SNX29: variants seen among roughly 807,000 people sequenced by gnomAD.
SNX29 encodes sorting nexin-29.
SNX29 carries 78 observed loss-of-function variants against 102.1 expected under a neutral mutation model. That is an observed-to-expected ratio of 0.76 (90% confidence interval 0.64 to 0.92). The LOEUF (loss-of-function observed/expected upper bound fraction) is 0.92, where lower values mean the gene tolerates loss of function less well. Ranked by LOEUF, SNX29 falls within the 40% of genes least tolerant of loss-of-function variation. SNX29 has a pLI of 0.00. For synonymous variants in SNX29, 580 were observed against 414.5 expected (o/e 1.40, Z -4.85); for missense variants, 1,280 against 1,061.7 (o/e 1.21, Z -2.86).
intron 18 of SNX29, among the ~76,000 whole-genome samples, chr16:12,444,062 G>T (rs1033677713): frequency 1.4e-5 from 2 of 147,816 alleles, no homozygotes; most frequent in African/African-American, 5.3e-5. Context: ...TAAGCACTCA[G>T]TATAAGACCT....
intron 17 of SNX29, among the ~76,000 whole-genome samples, chr16:12,399,307 C>T (rs1398534285): frequency 6.6e-6 from 1 of 152,220 alleles, no homozygotes; most frequent in African/African-American, 2.4e-5. Flanking sequence ...CCACCTCGGC[C>T]TCCCAAAGTG....
chr16:12,311,930 T>TA (rs1484653409), intron 15 of SNX29, among the ~76,000 whole-genome samples: 2 of 152,178 alleles, frequency 1.3e-5, no homozygotes, highest in Non-Finnish European at 2.9e-5. Context: ...GTGGGGTGGG[T>TA]AGGCAGCTCT....
rs372532518 is a variant in SNX29 at position 12,477,681 on chromosome 16, G to C, written c.2038-38G>C. 7.1e-5 allele frequency: 114 copies of C among 1,599,158 alleles called. No individual in the cohort carries two copies. In the African/African-American group the frequency reaches 1.3e-3, roughly 18 times the overall value. On this transcript the variant is annotated intron_variant, in intron 18 of 20. Coordinates refer to ENST00000566228, the MANE Select transcript of SNX29 (RefSeq NM_032167.5). ...CCGAAATCCTACTCCTTTATAATAA[G>C]GGTTTAAGAGGAATTCACATTTTCT...
chr16:12,299,414 T>C (rs76241936), intron 15 of SNX29, among the ~76,000 whole-genome samples: 1 of 152,174 alleles, frequency 6.6e-6, no homozygotes, highest in Non-Finnish European at 1.5e-5. Flanking sequence ...ATGGACGGTG[T>C]TTAGTTTGAT....
intron 15 of SNX29, among the ~76,000 whole-genome samples, chr16:12,308,747 A>C (rs1305598352): frequency 6.6e-6 from 1 of 152,228 alleles, no homozygotes; most frequent in Non-Finnish European, 1.5e-5. Context: ...ACACGAGTCC[A>C]TCAGTTTCTC....
rs376652645 is a variant in SNX29, at chr16:12,002,201, A to G, written c.70-790A>G. 3.1e-4 allele frequency among the ~76,000 whole-genome samples: 47 copies of G among 152,174 alleles called. 2 individuals carry two copies. The South Asian group carries it at 9.6e-3, about 31-fold the overall frequency. On this transcript the variant is annotated intron_variant, in intron 2 of 20. Coordinates refer to ENST00000566228, the MANE Select transcript of SNX29 (RefSeq NM_032167.5). ...ATTGGCTCACGCCTGTAATCCCAGC[A>G]CTTTGGGAGGCCAAGGCGGTCGGAT...
chr16:12,565,095 C>A (rs756708122), intron 20 of SNX29, among the ~76,000 whole-genome samples: 13 of 152,074 alleles, frequency 8.5e-5, no homozygotes, highest in African/African-American at 2.9e-4. Context: ...GGGTCGTCTT[C>A]TCTTCTGAGT....
At chr16:12,278,960 A>T (rs144118403) in intron 15 of SNX29, among the ~76,000 whole-genome samples, 2 of 152,268 alleles carry the variant, frequency 1.3e-5, no homozygotes, top group East Asian at 3.9e-4. Context: ...ATACCTGATT[A>T]AAAAAAGGGT....
intron 20 of SNX29, among the ~76,000 whole-genome samples, chr16:12,554,837 C>G (rs1196138233): frequency 6.6e-6 from 1 of 152,154 alleles, no homozygotes; most frequent in Non-Finnish European, 1.5e-5. Context: ...GCCATTCTTT[C>G]CGTAGGTGCC....
intron 13 of SNX29, among the ~76,000 whole-genome samples, chr16:12,193,259 C>A (rs994705573): frequency 6.6e-6 from 1 of 152,058 alleles, no homozygotes; most frequent in African/African-American, 2.4e-5. Flanking sequence ...AATTCCATTA[C>A]AAGAGTTTGA....
chr16:12,044,639 C>T (rs528148004), intron 5 of SNX29, among the ~76,000 whole-genome samples: 86 of 152,206 alleles, frequency 5.7e-4, no homozygotes, highest in Middle Eastern at 3.4e-3. Flanking sequence ...AGTGTAGTGG[C>T]GCGACCTTGG....
At chr16:12,157,197 C>A (rs987071688) in intron 13 of SNX29, among the ~76,000 whole-genome samples, 3 of 152,138 alleles carry the variant, frequency 2.0e-5, no homozygotes, top group African/African-American at 7.2e-5. Context: ...CAACATCCAC[C>A]CCCCATAGGC....
In SNX29 at chr16:12,000,186, G is replaced by C. The variant is rs1008946960; in HGVS notation, c.69+828G>C. ...GGAAGTAAGCTTGGATGTGAGACTG[G>C]AATCTGCTTGCCGCATGTACCAGAT... On this transcript the variant is annotated intron_variant, in intron 2 of 20. Coordinates refer to ENST00000566228, the MANE Select transcript of SNX29 (RefSeq NM_032167.5). The C allele has an allele frequency of 2.0e-5, 3 of 153,342 alleles. No individual in the cohort carries two copies. In the East Asian group the frequency reaches 5.8e-4, roughly 30 times the overall value. The allele number at this position is 153,342 out of a possible 1,614,324, so 9.5% of individuals were successfully genotyped here.
At chr16:12,398,296 C>G (rs8055044) in intron 16 of SNX29, 150 bp from the exon 17 acceptor site, 132,957 of 796,162 alleles carry the variant, frequency 0.17, 12,707 homozygotes, top group African/African-American at 0.27. Flanking sequence ...TCCACACAAT[C>G]TCTTACCGTT....
intron 11 of SNX29, among the ~76,000 whole-genome samples, chr16:12,106,612 T>C (rs957212985): frequency 6.6e-6 from 1 of 151,392 alleles, no homozygotes; most frequent in Non-Finnish European, 1.5e-5. Context: ...TAGCTGGGAC[T>C]ACAGGCACGT....
intron 18 of SNX29, among the ~76,000 whole-genome samples, chr16:12,411,682 G>A (rs762355874): frequency 9.2e-5 from 14 of 152,172 alleles, no homozygotes; most frequent in Admixed American, 3.9e-4. Flanking sequence ...TGAGCTGACC[G>A]TCACCAGTCT....
chr16:12,184,816 C>T (rs2076473426), intron 13 of SNX29, among the ~76,000 whole-genome samples: 1 of 152,232 alleles, frequency 6.6e-6, no homozygotes, highest in African/African-American at 2.4e-5. Context: ...CGTAGACTAG[C>T]AGCAGTGACA....
chr16:12,107,755 A>C (rs1362481973), intron 11 of SNX29, among the ~76,000 whole-genome samples: 2 of 152,178 alleles, frequency 1.3e-5, no homozygotes, highest in Non-Finnish European at 2.9e-5. Context: ...CTGTCCAGGC[A>C]TCTGCTTGTT....
At chr16:12,560,977 T>G (rs1468835349) in intron 20 of SNX29, 2 of 211,890 alleles carry the variant, frequency 9.4e-6, no homozygotes, top group Non-Finnish European at 1.9e-5. Flanking sequence ...CAAGGAACCC[T>G]TGGGTACTGC....
Sources: gnomAD v4.1 joint callset for allele counts (sites outside exome capture counted in the v4.1 genomes callset) on GRCh38, gnomAD v4.1.1 for gene constraint, MANE v1.5 for transcripts, NCBI Gene and HGNC (gene_info 2026-07-23, HGNC 2026-07-21) for gene names.